Variants in ZZZ3 observed in about 807,000 individuals in gnomAD.
ZZZ3 encodes zinc finger ZZ-type containing 3, also known as ZZ-type zinc finger-containing protein 3.
In ZZZ3, 22 loss-of-function variants were observed where a neutral mutation model predicts 95.2. The observed-to-expected ratio is 0.23, with a 90% CI of 0.17 to 0.33. The LOEUF (loss-of-function observed/expected upper bound fraction) is 0.33. ZZZ3 is among the 10% of genes least tolerant of loss of function. ZZZ3 has a pLI of 1.00. For synonymous variants in ZZZ3, 335 were observed against 358.9 expected (o/e 0.93, Z 0.75); for missense variants, 885 against 1,066.5 (o/e 0.83, Z 2.37).
chr1:77,680,430 T>C (rs1029809849), intron 1 of ZZZ3, among the ~76,000 whole-genome samples: 11 of 152,168 alleles, frequency 7.2e-5, no homozygotes, highest in Non-Finnish European at 1.6e-4. Flanking sequence ...ACTCCCAATG[T>C]CCCCTTTTCC....
chr1:77,681,365 C>T (rs1439000030), intron 1 of ZZZ3, among the ~76,000 whole-genome samples: 2 of 152,108 alleles, frequency 1.3e-5, no homozygotes, highest in Middle Eastern at 3.2e-3. Flanking sequence ...TAACTAGTCA[C>T]CTGATTCGTT....
intron 1 of ZZZ3, among the ~76,000 whole-genome samples, chr1:77,672,321 C>A (rs1001460255): frequency 1.3e-5 from 2 of 152,186 alleles, no homozygotes; most frequent in African/African-American, 4.8e-5. Flanking sequence ...TAGTTTAAAA[C>A]ACATATTTCT....
At chr1:77,597,804 CCTA>C (rs1309124145) in intron 5 of ZZZ3, among the ~76,000 whole-genome samples, 1 of 151,986 alleles carries the variant, frequency 6.6e-6, no homozygotes, top group African/African-American at 2.4e-5. Flanking sequence ...AATGTGGTAT[CCTA>C]CATGGGATTC....
chr1:77,678,215 G>T (rs912420590), intron 1 of ZZZ3, among the ~76,000 whole-genome samples: 5 of 152,070 alleles, frequency 3.3e-5, no homozygotes, highest in Non-Finnish European at 7.4e-5. Context: ...TAGGCAATTG[G>T]TTGTTCATTA....
chr1:77,581,858 T>G lies in ZZZ3; in HGVS notation c.1826A>C (p.Asp609Ala), dbSNP rs1485712725. Residue 609 changes from aspartate to alanine, a missense_variant, in exon 8 of 15, where the codon GAT becomes GCT. Coordinates refer to ENST00000370801, the MANE Select transcript of ZZZ3 (RefSeq NM_015534.6). ...AAGGGACTCTCCATCCTTCTTAGGA[T>G]CTAAAGGACTTTTTGGTCTAGCAGG... is the stretch of plus-strand genomic sequence containing the variant. Reference protein sequence around the residue: ...GLPARPKSPLDPKKDGESLSY... With the variant: ...GLPARPKSPLAPKKDGESLSY... 3.7e-6 allele frequency: 6 copies of G among 1,613,974 alleles called. No individual in the cohort carries two copies. Among genetic ancestry groups the G allele is most frequent in the African/African-American group, 1.3e-5 (1 of 74,948 alleles).
chr1:77,647,905 G>T (rs1391319663), intron 1 of ZZZ3, among the ~76,000 whole-genome samples: 1 of 152,044 alleles, frequency 6.6e-6, no homozygotes, highest in East Asian at 1.9e-4. Flanking sequence ...AGACTATTCT[G>T]GTCTCACCTA....
chr1:77,598,744 G>T (rs996584130), intron 5 of ZZZ3, among the ~76,000 whole-genome samples: 4 of 152,110 alleles, frequency 2.6e-5, no homozygotes, highest in African/African-American at 9.7e-5. Context: ...CTGCTATCTA[G>T]ACTCAATGGA....
intron 1 of ZZZ3, among the ~76,000 whole-genome samples, chr1:77,680,628 C>T (rs576877315): frequency 4.5e-4 from 68 of 152,258 alleles, no homozygotes; most frequent in Non-Finnish European, 8.7e-4. Context: ...ATGATAGCCG[C>T]TTAGCAACTT....
chr1:77,594,921 CAAAAAA>C (rs371690201), intron 5 of ZZZ3, among the ~76,000 whole-genome samples: 43 of 80,708 alleles, frequency 5.3e-4, no homozygotes, highest in African/African-American at 1.9e-3. Context: ...TTGACAGGCC[CAAAAAA>C]AAAAAAAAAA....
rs1173108664 is a variant in ZZZ3 at position 77,562,910 on chromosome 1, A to G, written c.*2730T>C. On this transcript the variant is annotated 3_prime_UTR_variant, in exon 15 of 15. Coordinates refer to ENST00000370801, the MANE Select transcript of ZZZ3 (RefSeq NM_015534.6). ...AGTAATCTGCCTAGGTTAAAATCCA[A>G]GCATGACCACTTTACTAACTATACG... is the stretch of plus-strand genomic sequence containing the variant. 6.6e-6 allele frequency: 1 copy of G among 152,432 alleles called. No individual in the cohort carries two copies. Among genetic ancestry groups the G allele is most frequent in the East Asian group, 1.9e-4 (1 of 5,202 alleles). The allele number at this position is 152,432 out of a possible 1,614,324, so 9.4% of individuals were successfully genotyped here. A position where few individuals can be genotyped will look rare whatever the true frequency, so the allele number is the denominator to read the frequency against.
intron 6 of ZZZ3, among the ~76,000 whole-genome samples, chr1:77,583,032 G>C (rs1443246966): frequency 6.6e-6 from 1 of 152,038 alleles, no homozygotes; most frequent in African/African-American, 2.4e-5. Flanking sequence ...TTGAACCTGG[G>C]AGGCGGAAGT....
intron 5 of ZZZ3, among the ~76,000 whole-genome samples, chr1:77,597,049 TG>T (rs1486832546): frequency 3.3e-5 from 5 of 152,108 alleles, no homozygotes; most frequent in Non-Finnish European, 5.9e-5. Context: ...TAGGGTTCCC[TG>T]GACAGATGGC....
intron 12 of ZZZ3, among the ~76,000 whole-genome samples, chr1:77,571,262 C>T (rs1163425602): frequency 6.6e-6 from 1 of 152,076 alleles, no homozygotes; most frequent in Non-Finnish European, 1.5e-5. Flanking sequence ...TCACCTCACA[C>T]CCAGTAGGTG....
In ZZZ3 at chr1:77,625,996, C is replaced by CA. The variant is rs1056580420; in HGVS notation, c.1505+5853dup. Reference sequence around the variant, plus strand: ...TGGGTGACAGAGTGAGACCCTGTCTCAAAAAAAAAAGAAAAAAAAGAAAAG... The same window carrying CA: ...TGGGTGACAGAGTGAGACCCTGTCTCAAAAAAAAAAAGAAAAAAAAGAAAAG... On this transcript the variant is annotated intron_variant, in intron 5 of 14. Coordinates refer to ENST00000370801, the MANE Select transcript of ZZZ3 (RefSeq NM_015534.6). Among the ~76,000 whole-genome samples the CA allele has an allele frequency of 2.1e-3, 275 of 132,586 alleles. 3 individuals are homozygous for CA. Among genetic ancestry groups the CA allele is most frequent in the African/African-American group, 6.4e-3 (229 of 35,544 alleles). The allele number at this position is 132,586 out of a possible 152,430, so 87.0% of individuals were successfully genotyped here. A position where few individuals can be genotyped will look rare whatever the true frequency, so the allele number is the denominator to read the frequency against.
At chr1:77,579,502 A>G in intron 10 of ZZZ3, 25 bp downstream of exon 10, 3 of 1,521,522 alleles carry the variant, frequency 2.0e-6, no homozygotes, top group Non-Finnish European at 1.8e-6. Context: ...GCATACCAGC[A>G]ATCTGCAGTC....
intron 5 of ZZZ3, among the ~76,000 whole-genome samples, chr1:77,610,086 A>T (rs1665636958): frequency 6.6e-6 from 1 of 151,648 alleles, no homozygotes; most frequent in Non-Finnish European, 1.5e-5. Flanking sequence ...CAAAACTGAC[A>T]AACTTTGGCC....
intron 5 of ZZZ3, among the ~76,000 whole-genome samples, chr1:77,616,868 A>AAAAT (rs1216610097): frequency 7.9e-5 from 12 of 152,152 alleles, no homozygotes; most frequent in Non-Finnish European, 1.5e-4. Context: ...CTTCGTCTCT[A>AAAAT]AAATAAATAA....
chr1:77,621,222 G>A (rs1339195229), intron 5 of ZZZ3, among the ~76,000 whole-genome samples: 1 of 152,084 alleles, frequency 6.6e-6, no homozygotes, highest in African/African-American at 2.4e-5. Context: ...GCCAGGCACA[G>A]TGGCTCGTAA....
chr1:77,602,352 A>C (rs1461942167), intron 5 of ZZZ3, among the ~76,000 whole-genome samples: 1 of 152,204 alleles, frequency 6.6e-6, no homozygotes, highest in Non-Finnish European at 1.5e-5. Flanking sequence ...TTATCTCTCA[A>C]TTATTACTTG....
Sources: allele counts gnomAD v4.1 joint callset (sites outside exome capture counted in the v4.1 genomes callset), GRCh38; gene constraint gnomAD v4.1.1; transcripts MANE v1.5; gene names NCBI Gene and HGNC (gene_info 2026-07-23, HGNC 2026-07-21).